The following CRTC3 variants were observed in gnomAD, a reference collection of about 807,000 sequenced individuals.
The protein encoded by CRTC3 is CREB-regulated transcription coactivator 3.
A neutral mutation model predicts 74.5 loss-of-function variants in CRTC3; 26 were observed. The observed-to-expected ratio is 0.35, with a 90% CI of 0.26 to 0.48. The LOEUF is 0.48. Ranked by LOEUF, CRTC3 falls within the 20% of genes least tolerant of loss-of-function variation. The pLI, the probability that CRTC3 is intolerant of heterozygous loss-of-function variation, is 0.99. For missense variants in CRTC3, 760 were observed against 787.3 expected (o/e 0.97, Z 0.41); for synonymous variants, 377 against 325.8 (o/e 1.16, Z -1.69).
At chr15:90,621,138 G>A (rs1003303013) in intron 9 of CRTC3, among the ~76,000 whole-genome samples, 5 of 149,742 alleles carry the variant, frequency 3.3e-5, no homozygotes, top group African/African-American at 1.2e-4. Context: ...CTGGTTCAGG[G>A]GCTTCCTGGT....
intron 2 of CRTC3, among the ~76,000 whole-genome samples, chr15:90,563,988 A>G (rs1427519132): frequency 1.3e-5 from 2 of 152,164 alleles, no homozygotes. Context: ...TTTGCTGTGC[A>G]TCAGGCAATA....
Position 90,627,902 on chromosome 15 carries a change from C to CCAT in CRTC3, c.968-1332_968-1331insCAT, listed in dbSNP as rs398070723. Among the ~76,000 whole-genome samples, 309 of 132,154 alleles carry CCAT rather than the reference C, an allele frequency of 2.3e-3. 2 individuals are homozygous for CCAT. Among genetic ancestry groups the CCAT allele is most frequent in the African/African-American group, 8.0e-3 (290 of 36,216 alleles). The allele number at this position is 132,154 out of a possible 152,430, so 86.7% of individuals were successfully genotyped here. ...GTGCCGGGATTACAGGCGTGAGCCA[C>CCAT]GCCCAGCCGGCAAAATTATTTTTAA... On this transcript the variant is annotated intron_variant, in intron 10 of 14. Transcript: ENST00000268184.
chr15:90,551,329 CTT>C (rs1374320611), intron 2 of CRTC3, among the ~76,000 whole-genome samples: 11 of 39,856 alleles, frequency 2.8e-4, no homozygotes, highest in Admixed American at 1.9e-3. Flanking sequence ...CTTTCTACCT[CTT>C]TTTTTCTGTG....
At chr15:90,612,837 A>G (rs2151085987) in intron 6 of CRTC3, among the ~76,000 whole-genome samples, 1 of 151,764 alleles carries the variant, frequency 6.6e-6, no homozygotes, top group South Asian at 2.1e-4. Context: ...CTGTCTTTTG[A>G]TGGGTTAAAT....
chr15:90,530,901 G>A lies in CRTC3; in HGVS notation c.132+698G>A, dbSNP rs1966616615. Reference sequence around the variant, plus strand: ...AAGGCGCGAGCCGGGACAAACACCTGGAGAGGTTAGGTAACCGCTGAGTGA... The same window carrying A: ...AAGGCGCGAGCCGGGACAAACACCTAGAGAGGTTAGGTAACCGCTGAGTGA... On this transcript the variant is annotated intron_variant, in intron 1 of 14. Coordinates refer to ENST00000268184, the MANE Select transcript of CRTC3 (RefSeq NM_022769.5). The surrounding 1 kb of genome is among the most constrained non-coding windows in gnomAD (Gnocchi z 6.2). Among the ~76,000 whole-genome samples the A allele has an allele frequency of 6.6e-6, 1 of 152,224 alleles. No homozygotes were observed. Among genetic ancestry groups the A allele is most frequent in the Non-Finnish European group, 1.5e-5 (1 of 68,044 alleles).
intron 7 of CRTC3, 22 bp downstream of exon 7, chr15:90,614,510 C>T (rs1263321459): frequency 1.9e-6 from 3 of 1,547,076 alleles, no homozygotes; most frequent in South Asian, 1.1e-5. Context: ...TTTTACCTAC[C>T]TATATTGGAG....
chr15:90,576,128 G>A (rs1567171205), intron 2 of CRTC3, among the ~76,000 whole-genome samples: 2 of 152,264 alleles, frequency 1.3e-5, no homozygotes, highest in Middle Eastern at 3.4e-3. Context: ...AAATGGCCAG[G>A]TGCACTGGCC....
intron 2 of CRTC3, among the ~76,000 whole-genome samples, chr15:90,573,633 CTGTTTTTTTT>C (rs1308397775): frequency 5.9e-5 from 9 of 151,722 alleles, no homozygotes; most frequent in Admixed American, 5.9e-4. Flanking sequence ...CTGTTTTTTA[CTGTTTTTTTT>C]CCCATTGATA....
intron 2 of CRTC3, among the ~76,000 whole-genome samples, chr15:90,588,408 C>T (rs189208406): frequency 2.0e-5 from 3 of 150,682 alleles, no homozygotes; most frequent in Admixed American, 6.5e-5. Flanking sequence ...ATTACTTGTC[C>T]GTGGTGCTGG....
intron 2 of CRTC3, among the ~76,000 whole-genome samples, chr15:90,560,832 A>G (rs1956419783): frequency 1.3e-5 from 2 of 152,250 alleles, no homozygotes; most frequent in East Asian, 1.9e-4. Context: ...GATGTCTCAC[A>G]TAAGAACTGT....
At chr15:90,617,822 T>C in intron 7 of CRTC3, 61 bp from the exon 8 acceptor site, 1 of 1,150,274 alleles carries the variant, frequency 8.7e-7, no homozygotes, top group South Asian at 1.2e-5. Flanking sequence ...TGAGCCACCG[T>C]GCCCGGCCTG....
In CRTC3 at chr15:90,612,085, T is replaced by A. The variant is rs1481248846; in HGVS notation, c.578-2368T>A. 5.0e-5 allele frequency among the ~76,000 whole-genome samples: 5 copies of A among 100,846 alleles called. No individual in the cohort carries two copies. The Admixed American group carries it at 5.0e-4, about 10-fold the overall frequency. 66.2% of individuals were successfully genotyped at this position (100,846 alleles called of 152,430 possible). A position where few individuals can be genotyped will look rare whatever the true frequency, so the allele number is the denominator to read the frequency against. On this transcript the variant is annotated intron_variant, in intron 6 of 14. Transcript: ENST00000268184. ...CTCCACCTCCTCCTCCTCCTCCGCC[T>A]CCTCCTCCGCCTCTGCCTCCTCCTC...
At chr15:90,541,217 A>AT (rs1567159029) in intron 2 of CRTC3, among the ~76,000 whole-genome samples, 3 of 152,316 alleles carry the variant, frequency 2.0e-5, no homozygotes, top group Middle Eastern at 3.4e-3. Flanking sequence ...GCAATTTAAG[A>AT]TTCGGTGTTA....
chr15:90,587,118 G>C (rs1369816000), intron 2 of CRTC3, among the ~76,000 whole-genome samples: 1 of 152,164 alleles, frequency 6.6e-6, no homozygotes, highest in African/African-American at 2.4e-5. Context: ...GTCTAAATTA[G>C]AGGAAGTAAT....
chr15:90,562,257 A>G (rs527943779), intron 2 of CRTC3, among the ~76,000 whole-genome samples: 4 of 152,206 alleles, frequency 2.6e-5, no homozygotes, highest in Non-Finnish European at 5.9e-5. Context: ...AAGAACACGA[A>G]CAGTTACTGA....
intron 9 of CRTC3, chr15:90,619,997 A>C: frequency 1.8e-6 from 1 of 551,628 alleles, no homozygotes; most frequent in Non-Finnish European, 3.2e-6. Context: ...TATAATAACA[A>C]ACAAAACTTA....
chr15:90,578,327 A>T (rs1235350256), intron 2 of CRTC3, among the ~76,000 whole-genome samples: 1 of 152,090 alleles, frequency 6.6e-6, no homozygotes, highest in Non-Finnish European at 1.5e-5. Context: ...TGGGCAGATC[A>T]TCTGAGGTTA....
chr15:90,618,101 G>A (rs1170838395), intron 8 of CRTC3, 133 bp downstream of exon 8: 1 of 536,232 alleles, frequency 1.9e-6, no homozygotes, highest in East Asian at 3.1e-5. Flanking sequence ...ACAGAGATAA[G>A]AATATACAAG....
chr15:90,569,160 T>C (rs528041344), intron 2 of CRTC3, among the ~76,000 whole-genome samples: 2 of 152,096 alleles, frequency 1.3e-5, no homozygotes, highest in South Asian at 4.2e-4. Flanking sequence ...GCCCAGCTAA[T>C]AATTTTCATT....
Sources: gnomAD v4.1 joint callset for allele counts (sites outside exome capture counted in the v4.1 genomes callset) on GRCh38, gnomAD v4.1.1 for gene constraint, Gnocchi (gnomAD v3.1) non-coding constraint, MANE v1.5 for transcripts, NCBI Gene and HGNC (gene_info 2026-07-23, HGNC 2026-07-21) for gene names.